The following ATP13A1 variants were observed in gnomAD, a reference collection of about 807,000 sequenced individuals.
ATP13A1 encodes ATPase 13A1, also known as endoplasmic reticulum transmembrane helix translocase.
ATP13A1 carries 55 observed loss-of-function variants against 134.8 expected under a neutral mutation model. That is an observed-to-expected ratio of 0.41 (90% CI 0.33 to 0.51). The LOEUF (loss-of-function observed/expected upper bound fraction) is 0.51, where lower values mean the gene tolerates loss of function less well. Among genes scored for constraint, ATP13A1 ranks in the 20% least tolerant of loss-of-function variants. The pLI is 0.29. For missense variants in ATP13A1, 1,389 were observed against 1,652.8 expected, an observed-to-expected ratio of 0.84 and a Z score of 2.77; for synonymous variants, 775 against 725.1, an observed-to-expected ratio of 1.07 and a Z score of -1.10.
Position 19,656,814 on chromosome 19 carries a change from C to A in ATP13A1, c.976+33G>T, listed in dbSNP as rs367627480. On this transcript the variant is annotated intron_variant, in intron 6 of 25. Coordinates refer to ENST00000357324, the MANE Select transcript of ATP13A1 (RefSeq NM_020410.3). The surrounding 1 kb of genome is among the most constrained non-coding windows in gnomAD (Gnocchi z 4.6). ...TTGGCCAGAGGCCCTGAGGCTGGGG[C>A]TCCCACTGGGACTGAGCGGAACCCG... 17 of 1,611,984 alleles carry A rather than the reference C, an allele frequency of 1.1e-5. No individual in the cohort carries two copies. Among genetic ancestry groups the A allele is most frequent in the African/African-American group, 4.0e-5 (3 of 74,906 alleles).
At chr19:19,659,823 C>A in intron 2 of ATP13A1, 32 bp from the exon 3 acceptor site, 1 of 1,607,816 alleles carries the variant, frequency 6.2e-7, no homozygotes, top group Non-Finnish European at 8.5e-7. Context: ...CCACAGAGGC[C>A]CCTGACCTTG....
chr19:19,663,654 C>G lies in ATP13A1; in HGVS notation c.13G>C (p.Ala5Pro). The change falls in exon 1 of 26, where the codon GCG becomes CCG. Residue 5 changes from alanine to proline, a missense_variant. Transcript: ENST00000357324. ...CAGGGCACCGCGTTGCCCACCGCCG[C>G]CGCTGCCGCCATCTTTCCTAGCGCC... The part of the protein sequence containing the change: MAAA[A>P]AVGNAVPCGA... The G allele has an allele frequency of 7.8e-7, 1 of 1,288,576 alleles. No individual in the cohort carries two copies. 79.8% of individuals were successfully genotyped at this position (1,288,576 alleles called of 1,614,324 possible). A position where few individuals can be genotyped will look rare whatever the true frequency, so the allele number is the denominator to read the frequency against.
intron 19 of ATP13A1, among the ~76,000 whole-genome samples, chr19:19,649,149 T>C (rs1435612173): frequency 3.3e-5 from 5 of 149,928 alleles, no homozygotes; most frequent in Non-Finnish European, 1.5e-5. Context: ...TCTTGCACTG[T>C]CACTTAGGTT....
rs115138868 is a variant in ATP13A1, at chr19:19,656,502, C to T, written c.1083+158G>A. Reference sequence around the variant, plus strand: ...CCCTTGGCTCTCTCACCTCCTTCCTCGCCCCCACCACCCGGCTCCCCAGTC... The same window carrying T: ...CCCTTGGCTCTCTCACCTCCTTCCTTGCCCCCACCACCCGGCTCCCCAGTC... On this transcript the variant is annotated intron_variant, in intron 7 of 25. Transcript: ENST00000357324. This position sits in a 1 kb window ranked among gnomAD's most constrained non-coding sequence, Gnocchi z 4.6. Among the ~76,000 whole-genome samples, 2,723 of 152,232 alleles carry T rather than the reference C, an allele frequency of 0.018. 42 individuals are homozygous for T. The highest frequency in any genetic ancestry group is 0.055 in the South Asian group (265 of 4,826).
chr19:19,646,199 A>T lies in ATP13A1; in HGVS notation c.3248+6T>A, dbSNP rs1472616470. On this transcript the variant is annotated splice_donor_region_variant and intron_variant, in intron 23 of 25. Coordinates refer to ENST00000357324, the MANE Select transcript of ATP13A1 (RefSeq NM_020410.3). ...GGGACATCACCTCCTCCAAGGCAGC[A>T]CTTACTTCTCGGGGCTCCGGGCCTG... 1 of 1,613,474 alleles carries T rather than the reference A, an allele frequency of 6.2e-7. No individual in the cohort carries two copies. The highest frequency in any genetic ancestry group is 8.5e-7 in the Non-Finnish European group (1 of 1,179,662).
Position 19,645,546 on chromosome 19 carries a change from G to A in ATP13A1, c.3505-14C>T, listed in dbSNP as rs1424392734. 11 of 1,581,042 alleles carry A rather than the reference G, an allele frequency of 7.0e-6. No individual in the cohort carries two copies. The highest frequency in any genetic ancestry group is 9.5e-6 in the Non-Finnish European group (11 of 1,163,866). On this transcript the variant is annotated splice_polypyrimidine_tract_variant and intron_variant, in intron 25 of 25. Transcript: ENST00000357324. The surrounding 1 kb of genome is among the most constrained non-coding windows in gnomAD (Gnocchi z 4.1). ...GACCAGCTTGAACTGTCGGGGCAGG[G>A]AGGGATGGTGAGCTGGAGACCTGCA...
At chr19:19,652,504 C>T (rs1422319731) in intron 16 of ATP13A1, 91 bp downstream of exon 16, 17 of 1,480,064 alleles carry the variant, frequency 1.1e-5, no homozygotes, top group African/African-American at 4.2e-5. Flanking sequence ...GCCTGTGAGA[C>T]TTGGGTGCCC....
At position 19,647,660 on chromosome 19, in the gene ATP13A1, G is replaced by C; in HGVS notation, c.2732C>G (p.Ser911Cys). 6.2e-7 allele frequency: 1 copy of C among 1,613,026 alleles called. No homozygotes were observed. The highest frequency in any genetic ancestry group is 8.5e-7 in the Non-Finnish European group (1 of 1,179,842). Reference protein sequence around the residue: ...TLSNSGIRATSRTAKQRSGLP... With the variant: ...TLSNSGIRATCRTAKQRSGLP... ...CCCCGACCGCTGCTTGGCTGTCCTG[G>C]AGGTGGCTCTGATGCCACTGTTGCT... Residue 911 changes from serine (S) to cysteine (C), a missense_variant, in exon 20 of 26, where the codon TCC (serine) becomes TGC (cysteine). By Grantham distance (112) the Ser-to-Cys change is moderately radical (BLOSUM62 -1). Transcript: ENST00000357324. The surrounding 1 kb of genome is among the most constrained non-coding windows in gnomAD (Gnocchi z 4.8).
chr19:19,661,966 A>T, intron 1 of ATP13A1: 4 of 1,451,878 alleles, frequency 2.8e-6, no homozygotes, highest in Non-Finnish European at 3.8e-6. Flanking sequence ...GCTTCTCAAG[A>T]TGGCACCCAG....
At position 19,659,648 on chromosome 19, in the gene ATP13A1, C is replaced by T; in HGVS notation, c.630G>A (p.Gln210=). ...CAGCTGCTCGGATCTCTGAGTCTTC[C>T]TGGAAGCCTCTGTTGCTCTGATAGT... ...FSYYQSNRGF[Q]EDSEIRAAEK... The change falls in exon 3 of 26, where the codon CAG becomes CAA. Residue 210 remains glutamine (Q), a synonymous_variant. Coordinates refer to ENST00000357324, the MANE Select transcript of ATP13A1 (RefSeq NM_020410.3). The T allele has an allele frequency of 6.2e-7, 1 of 1,613,848 alleles. No individual in the cohort carries two copies. The highest frequency in any genetic ancestry group is 8.5e-7 in the Non-Finnish European group (1 of 1,179,794).
intron 17 of ATP13A1, chr19:19,651,131 C>G (rs1422634338): frequency 6.6e-6 from 1 of 152,284 alleles, no homozygotes; most frequent in Non-Finnish European, 1.5e-5. Context: ...GCCCCGAGAG[C>G]TGACCCAGCC....
In ATP13A1 at chr19:19,663,555, C is replaced by A; in HGVS notation, c.112G>T (p.Ala38Ser). ...PGPQPRALLA[A>S]GPALIANGDE... ...CCGTTCGCTATGAGCGCCGGCCCGG[C>A]GGCAAGGAGCGCGCGCGGCTGCGGC... The change falls in exon 1 of 26, where the codon GCC becomes TCC. Residue 38 changes from alanine (A) to serine (S), a missense_variant. Ala to Ser is a moderately conservative substitution (Grantham distance 99, BLOSUM62 1). Transcript: ENST00000357324. 2 of 1,511,586 alleles carry A rather than the reference C, an allele frequency of 1.3e-6. No homozygotes were observed. Among genetic ancestry groups the A allele is most frequent in the Non-Finnish European group, 1.8e-6 (2 of 1,138,578 alleles). 93.6% of individuals were successfully genotyped at this position (1,511,586 alleles called of 1,614,324 possible).
chr19:19,649,226 G>A (rs1292146121), intron 19 of ATP13A1, among the ~76,000 whole-genome samples: 1 of 152,126 alleles, frequency 6.6e-6, no homozygotes, highest in Admixed American at 6.5e-5. Context: ...GCCTCCCAAA[G>A]CACTGGGATT....
At chr19:19,659,826 T>G (rs1280730402) in intron 2 of ATP13A1, 35 bp from the exon 3 acceptor site, 1 of 1,607,052 alleles carries the variant, frequency 6.2e-7, no homozygotes, top group East Asian at 2.2e-5. Flanking sequence ...CAGAGGCCCC[T>G]GACCTTGGGG....
rs1282150031 is a variant in ATP13A1 at position 19,645,680 on chromosome 19, G to A, written c.3471C>T (p.Asn1157=). 1 of 1,575,452 alleles carries A rather than the reference G, an allele frequency of 6.3e-7. No individual in the cohort carries two copies. Among genetic ancestry groups the A allele is most frequent in the East Asian group, 2.3e-5 (1 of 42,674 alleles). Reference sequence around the variant, plus strand: ...GGATGTCCACGAGGCCAAACTGGCTGTTGAAGTCGGGCGAGGAGCCGAGGA... The same window carrying A: ...GGATGTCCACGAGGCCAAACTGGCTATTGAAGTCGGGCGAGGAGCCGAGGA... The part of the protein sequence containing the change: ...GLLLGSSPDF[N]SQFGLVDIPV... Residue 1157 remains asparagine (N), a synonymous_variant, in exon 25 of 26, where the codon AAC becomes AAT. Transcript: ENST00000357324. This position sits in a 1 kb window ranked among gnomAD's most constrained non-coding sequence, Gnocchi z 4.1.
At chr19:19,652,884 C>T (rs1000640291) in intron 15 of ATP13A1, 164 bp from the exon 16 acceptor site, 5 of 1,016,384 alleles carry the variant, frequency 4.9e-6, no homozygotes, top group African/African-American at 4.9e-5. Context: ...CAGGAGGGTA[C>T]CAGGCACGCT....
rs760347880 is a variant in ATP13A1, at chr19:19,647,572, T to C, written c.2793+27A>G. ...GCTGTCAGCCCTGGCCAGGATGGGG[T>C]GCAGCACCTCCCCTCTTGGGACTCA... On this transcript the variant is annotated intron_variant, in intron 20 of 25. Coordinates refer to ENST00000357324, the MANE Select transcript of ATP13A1 (RefSeq NM_020410.3). The surrounding 1 kb of genome is among the most constrained non-coding windows in gnomAD (Gnocchi z 4.8). 3 of 1,612,634 alleles carry C rather than the reference T, an allele frequency of 1.9e-6. No homozygotes were observed. Among genetic ancestry groups the C allele is most frequent in the South Asian group, 2.2e-5 (2 of 90,958 alleles).
At position 19,654,143 on chromosome 19, in the gene ATP13A1, A is replaced by G. The variant is rs2062042113; in HGVS notation, c.1815T>C (p.Asp605=). 1 of 1,582,748 alleles carries G rather than the reference A, an allele frequency of 6.3e-7. No homozygotes were observed. The highest frequency in any genetic ancestry group is 8.6e-7 in the Non-Finnish European group (1 of 1,164,382). ...TAATACTTCGGGGGAATACTTTCTC[A>G]TCTGGAAACAAATAAGTACGAGTCC... The part of the protein sequence containing the change: ...LTAVDWTLTK[D]EKVFPRSIKT... The change falls in exon 14 of 26, where the codon GAT becomes GAC. Residue 605 remains aspartate, a splice_region_variant and synonymous_variant. Coordinates refer to ENST00000357324, the MANE Select transcript of ATP13A1 (RefSeq NM_020410.3).
In ATP13A1 at chr19:19,657,358, G is replaced by A; in HGVS notation, c.728C>T (p.Thr243Ile). 1 of 1,573,240 alleles carries A rather than the reference G, an allele frequency of 6.4e-7. No homozygotes were observed. Among genetic ancestry groups the A allele is most frequent in the East Asian group, 2.3e-5 (1 of 42,724 alleles). Residue 243 changes from threonine to isoleucine, a missense_variant, in exon 4 of 26, where the codon ACA (threonine) becomes ATA (isoleucine). By Grantham distance (89) the Thr-to-Ile change is moderately conservative. This residue lies in a region of ATP13A1 where 747 missense variants were observed against 956.1 expected (regional missense o/e 0.78). Transcript: ENST00000357324. ...TACCTGAAATACAAAGAAGGGGGCT[G>A]TGGCTCTCTCCTTGAAAAGCTCCGA... Reference protein sequence around the residue: ...DFSELFKERATAPFFVFQVFC... With the variant: ...DFSELFKERAIAPFFVFQVFC...
Sources: gnomAD v4.1 joint callset for allele counts (sites outside exome capture counted in the v4.1 genomes callset) on GRCh38, gnomAD v4.1.1 for gene constraint, gnomAD v4.1.1 regional missense constraint, Gnocchi (gnomAD v3.1) non-coding constraint, MANE v1.5 for transcripts, NCBI Gene and HGNC (gene_info 2026-07-23, HGNC 2026-07-21) for gene names.